GPR107: variants seen among roughly 807,000 people sequenced by gnomAD.
GPR107 encodes the protein G protein-coupled receptor 107, also known as protein GPR107.
GPR107 carries 31 observed loss-of-function variants against 75.5 expected under a neutral mutation model. That is an observed-to-expected ratio of 0.41 (90% confidence interval 0.31 to 0.55). The LOEUF (loss-of-function observed/expected upper bound fraction) is 0.55, where lower values mean the gene tolerates loss of function less well. GPR107 is among the 20% of genes least tolerant of loss of function. The pLI, the probability that GPR107 is intolerant of heterozygous loss-of-function variation, is 0.26. For missense variants in GPR107, 572 were observed against 665.7 expected (o/e 0.86, Z 1.55); for synonymous variants, 267 against 251.3 (o/e 1.06, Z -0.59).
intron 9 of GPR107, among the ~76,000 whole-genome samples, chr9:130,098,115 T>TTAAG (rs1830923904): frequency 6.6e-6 from 1 of 152,102 alleles, no homozygotes; most frequent in African/African-American, 2.4e-5. Flanking sequence ...ACTCTTGGGC[T>TTAAG]TAAGTAATCT....
Position 130,078,254 on chromosome 9 carries a change from G to A in GPR107, c.386+876G>A, listed in dbSNP as rs554732379. The stretch of plus-strand genomic sequence containing the variant: ...ACTTCCAACTGCGTACTTTGTAATT[G>A]CTGAGGGAGCCTTTAAGGTAGGAAT... On this transcript the variant is annotated intron_variant, in intron 4 of 17. Coordinates refer to ENST00000347136, the MANE Select transcript of GPR107 (RefSeq NM_020960.5). Among the ~76,000 whole-genome samples the A allele has an allele frequency of 4.6e-5, 7 of 152,104 alleles. No individual in the cohort carries two copies. The South Asian group carries it at 1.5e-3, about 32-fold the overall frequency.
chr9:130,082,502 C>T (rs191978717), intron 5 of GPR107, among the ~76,000 whole-genome samples: 3,563 of 132,266 alleles, frequency 0.027, 78 homozygotes, highest in South Asian at 0.082. Context: ...TTTTTTTAGA[C>T]GGAGTCTTGC....
chr9:130,055,225 T>A (rs1342254524), intron 1 of GPR107, among the ~76,000 whole-genome samples: 1 of 151,946 alleles, frequency 6.6e-6, no homozygotes, highest in Non-Finnish European at 1.5e-5. Flanking sequence ...CCTAGCACTT[T>A]GGGAGGCCGA....
chr9:130,099,489 C>A lies in GPR107; in HGVS notation c.896C>A (p.Ala299Glu). 2 of 1,601,844 alleles carry A rather than the reference C, an allele frequency of 1.2e-6. No homozygotes were observed. The highest frequency in any genetic ancestry group is 1.7e-6 in the Non-Finnish European group (2 of 1,169,026). Residue 299 changes from alanine to glutamate, a missense_variant, in exon 10 of 18, where the codon GCG (alanine) becomes GAG (glutamate). Transcript: ENST00000347136. Reference sequence around the variant, plus strand: ...GTATTTAAAATCCACTGGCTGATGGCGGCCCTTCCTTTCACCAAGTCTCTT... The same window carrying A: ...GTATTTAAAATCCACTGGCTGATGGAGGCCCTTCCTTTCACCAAGTCTCTT... The part of the protein sequence containing the change: ...NDVFKIHWLM[A>E]ALPFTKSLSL...
intron 1 of GPR107, among the ~76,000 whole-genome samples, chr9:130,069,948 G>A (rs1306411985): frequency 7.0e-6 from 1 of 143,840 alleles, no homozygotes; most frequent in African/African-American, 2.6e-5. Context: ...CTCCCATCGT[G>A]CTGAGATTAC....
chr9:130,078,538 C>T (rs760706291), intron 4 of GPR107, among the ~76,000 whole-genome samples: 6 of 152,236 alleles, frequency 3.9e-5, no homozygotes, highest in Non-Finnish European at 7.3e-5. Flanking sequence ...TTGACTTAGA[C>T]TCTGGCGTGA....
chr9:130,080,658 AT>A (rs1297222787), intron 5 of GPR107, among the ~76,000 whole-genome samples: 1 of 150,816 alleles, frequency 6.6e-6, no homozygotes. Context: ...TGCCCGGCTA[AT>A]TTTTTGTATT....
At chr9:130,119,549 ATCGGAG>A in intron 14 of GPR107, among the ~76,000 whole-genome samples, 1 of 152,074 alleles carries the variant, frequency 6.6e-6, no homozygotes, top group South Asian at 2.1e-4. Context: ...TAGCTGACTT[ATCGGAG>A]GCCACACAGC....
intron 10 of GPR107, among the ~76,000 whole-genome samples, chr9:130,100,042 C>A (rs1830983318): frequency 6.6e-6 from 1 of 151,600 alleles, no homozygotes; most frequent in Admixed American, 6.6e-5. Flanking sequence ...CTACAGGCGC[C>A]CGCCACCACG....
intron 17 of GPR107, chr9:130,129,383 T>A (rs1170684806): frequency 6.6e-6 from 1 of 152,302 alleles, no homozygotes; most frequent in Non-Finnish European, 1.5e-5. Context: ...CTGTGTTTGA[T>A]GATTAGCCTA....
intron 7 of GPR107, 113 bp downstream of exon 7, chr9:130,086,589 A>G (rs1436424229): frequency 2.5e-5 from 18 of 710,626 alleles, no homozygotes; most frequent in Middle Eastern, 5.1e-4. Context: ...TATGCCCTGT[A>G]TCAGTCACTT....
chr9:130,122,617 TCTC>T (rs1831574573), intron 14 of GPR107, among the ~76,000 whole-genome samples: 1 of 152,152 alleles, frequency 6.6e-6, no homozygotes, highest in African/African-American at 2.4e-5. Flanking sequence ...GCCCTTCTCT[TCTC>T]ACAGGATAGC....
intron 1 of GPR107, 56 bp from the exon 2 acceptor site, chr9:130,075,580 A>G: frequency 1.1e-6 from 1 of 929,010 alleles, no homozygotes; most frequent in Non-Finnish European, 1.8e-6. Flanking sequence ...TGAATAGGTT[A>G]AATAATCAAA....
chr9:130,058,835 AG>A (rs1468142848), intron 1 of GPR107, among the ~76,000 whole-genome samples: 1 of 152,050 alleles, frequency 6.6e-6, no homozygotes, highest in Non-Finnish European at 1.5e-5. Flanking sequence ...GCCATGTGTC[AG>A]TAATTCATTC....
chr9:130,098,402 A>C lies in GPR107; in HGVS notation c.864-1055A>C, dbSNP rs917080580. ...TGGCACTTTCTCCTCACACATCCCT[A>C]CTGCTGGCTCCCAGTCCCCCTACTC... On this transcript the variant is annotated intron_variant, in intron 9 of 17. Transcript: ENST00000347136. Among the ~76,000 whole-genome samples the C allele has an allele frequency of 1.7e-4, 26 of 152,110 alleles. 1 individual carries two copies. Among genetic ancestry groups the C allele is most frequent in the Admixed American group, 1.7e-3 (26 of 15,262 alleles).
intron 4 of GPR107, among the ~76,000 whole-genome samples, chr9:130,079,342 G>C (rs1020920343): frequency 6.6e-6 from 1 of 152,170 alleles, no homozygotes; most frequent in East Asian, 1.9e-4. Context: ...GCATTTTAAC[G>C]ATACTTAAGG....
intron 14 of GPR107, chr9:130,110,378 A>C: frequency 6.5e-7 from 1 of 1,536,456 alleles, no homozygotes. Flanking sequence ...AGGTGACAGC[A>C]TGGGACCTCT....
chr9:130,088,352 A>G (rs554264860), intron 7 of GPR107, among the ~76,000 whole-genome samples: 7 of 152,192 alleles, frequency 4.6e-5, no homozygotes, highest in African/African-American at 1.4e-4. Context: ...CTGAAATGTC[A>G]CCTTCTCAAC....
intron 9 of GPR107, among the ~76,000 whole-genome samples, chr9:130,095,409 T>C (rs2132598347): frequency 6.6e-6 from 1 of 152,312 alleles, no homozygotes; most frequent in South Asian, 2.1e-4. Context: ...TATTTTATTT[T>C]TTTTGAGACA....
Sources: gnomAD v4.1 joint callset for allele counts (sites outside exome capture counted in the v4.1 genomes callset) on GRCh38, gnomAD v4.1.1 for gene constraint, MANE v1.5 for transcripts, NCBI Gene and HGNC (gene_info 2026-07-23, HGNC 2026-07-21) for gene names.